Variants in GARIN2 observed in about 807,000 individuals in gnomAD.
GARIN2 encodes the protein golgi associated RAB2 interactor family member 2.
At chr14:67,225,603 C>T in the GARIN2 span, among the ~76,000 whole-genome samples, 1 of 152,044 alleles carries the variant, frequency 6.6e-6, no homozygotes, top group Non-Finnish European at 1.5e-5. Context: ...TCAGCCAATA[C>T]AATCAAGACC....
At chr14:67,192,798 A>G in the GARIN2 span, among the ~76,000 whole-genome samples, 2 of 147,790 alleles carry the variant, frequency 1.4e-5, no homozygotes, top group Admixed American at 6.8e-5. Context: ...ATGTGTGTGT[A>G]TATATAGATA....
At chr14:67,215,890 C>G in the GARIN2 span, among the ~76,000 whole-genome samples, 1 of 152,170 alleles carries the variant, frequency 6.6e-6, no homozygotes, top group African/African-American at 2.4e-5. Flanking sequence ...ACAAAGTTAA[C>G]TGAATCATTT....
At chr14:67,203,337 G>C in the GARIN2 span, 1 of 1,458,856 alleles carries the variant, frequency 6.9e-7, no homozygotes, top group Non-Finnish European at 9.2e-7. Context: ...CAGAAGATGT[G>C]CATTAGCCCT....
chr14:67,189,497 G>A, the GARIN2 span: 4 of 152,180 alleles, frequency 2.6e-5, no homozygotes, highest in Non-Finnish European at 5.9e-5. Context: ...GAGTGGAAAC[G>A]TGCTATTTGG....
the GARIN2 span, chr14:67,201,808 A>T: frequency 3.8e-6 from 1 of 263,320 alleles, no homozygotes; most frequent in Middle Eastern, 1.4e-3. Context: ...TTTTAATTGA[A>T]CCAATTATCA....
chr14:67,215,406 G>GGT, the GARIN2 span, among the ~76,000 whole-genome samples: 4,725 of 109,510 alleles, frequency 0.043, 87 homozygotes, highest in African/African-American at 0.066. Flanking sequence ...CTGATCTATT[G>GGT]TTTTTTTTTT....
At chr14:67,208,244 A>G in the GARIN2 span, 1 of 1,614,064 alleles carries the variant, frequency 6.2e-7, no homozygotes, top group South Asian at 1.1e-5. Flanking sequence ...TTTACAAGAT[A>G]CAAAAAGTAA....
At chr14:67,221,099 G>T in the GARIN2 span, among the ~76,000 whole-genome samples, 2 of 152,114 alleles carry the variant, frequency 1.3e-5, no homozygotes, top group Admixed American at 1.3e-4. Flanking sequence ...TAAGTATTTT[G>T]ATTATTATCA....
chr14:67,198,361 C>G, the GARIN2 span: 1 of 1,553,966 alleles, frequency 6.4e-7, no homozygotes, highest in Non-Finnish European at 8.8e-7. Context: ...CCAATAACTT[C>G]AGTAATTTTC....
At chr14:67,207,672 A>T in the GARIN2 span, among the ~76,000 whole-genome samples, 1 of 152,208 alleles carries the variant, frequency 6.6e-6, no homozygotes, top group African/African-American at 2.4e-5. Context: ...ATTCTGAGCG[A>T]ATCAGAGAGT....
chr14:67,205,047 G>A, the GARIN2 span: 31 of 1,551,822 alleles, frequency 2.0e-5, no homozygotes, highest in Non-Finnish European at 2.7e-5. Context: ...TCACAGTGGT[G>A]TTTGAAAACA....
chr14:67,199,841 A>G, the GARIN2 span: 2 of 1,497,360 alleles, frequency 1.3e-6, no homozygotes, highest in Non-Finnish European at 1.8e-6. Context: ...ACCCCCAGCC[A>G]TGCCCCACCA....
At chr14:67,225,200 G>A in the GARIN2 span, 7 of 1,547,854 alleles carry the variant, frequency 4.5e-6, no homozygotes, top group South Asian at 2.5e-5. Context: ...GGGAATGAAT[G>A]TGAGGAAAGA....
chr14:67,200,204 C>A, the GARIN2 span: 1 of 1,124,338 alleles, frequency 8.9e-7, no homozygotes, highest in Non-Finnish European at 1.3e-6. Context: ...CTGATGCCCC[C>A]CATGGATACA....
chr14:67,201,505 T>C, the GARIN2 span: 4 of 456,024 alleles, frequency 8.8e-6, no homozygotes, highest in South Asian at 6.2e-5. Context: ...CATCTCATCC[T>C]GGTGGCTCTG....
the GARIN2 span, chr14:67,202,994 C>T: frequency 5.6e-6 from 7 of 1,243,922 alleles, no homozygotes; most frequent in Admixed American, 7.6e-5. Flanking sequence ...TGGTTCATTC[C>T]TCCTTTATTT....
At chr14:67,225,141 CCTT>C in the GARIN2 span, 12 of 1,584,864 alleles carry the variant, frequency 7.6e-6, no homozygotes, top group Non-Finnish European at 6.9e-6. Flanking sequence ...TATCAAATCT[CCTT>C]CTAATTTCCT....
chr14:67,210,697 C>G, the GARIN2 span, among the ~76,000 whole-genome samples: 1 of 151,562 alleles, frequency 6.6e-6, no homozygotes, highest in East Asian at 1.9e-4. Flanking sequence ...CATTGGGAGA[C>G]AGTTTAACAC....
At chr14:67,209,313 A>G in the GARIN2 span, among the ~76,000 whole-genome samples, 2 of 152,128 alleles carry the variant, frequency 1.3e-5, no homozygotes, top group Non-Finnish European at 2.9e-5. Context: ...AAAAAGAGAG[A>G]GAGAGAATAG....
Sources: allele counts gnomAD v4.1 joint callset (sites outside exome capture counted in the v4.1 genomes callset), GRCh38; gene constraint gnomAD v4.1.1; transcripts MANE v1.5; gene names NCBI Gene and HGNC (gene_info 2026-07-23, HGNC 2026-07-21).